STON2: variants seen among roughly 807,000 people sequenced by gnomAD.
The protein encoded by STON2 is stonin 2, also known as stonin-2.
A neutral mutation model predicts 65.7 loss-of-function variants in STON2; 29 were observed. That is an observed-to-expected ratio of 0.44 (90% CI 0.33 to 0.60). The LOEUF (loss-of-function observed/expected upper bound fraction) is 0.60, where lower values mean the gene tolerates loss of function less well. Ranked by LOEUF, STON2 falls within the 20% of genes least tolerant of loss-of-function variation. The pLI is 0.03. For synonymous variants in STON2, 404 were observed against 414.2 expected (o/e 0.98, Z 0.30); for missense variants, 1,054 against 1,118.1 (o/e 0.94, Z 0.82).
At position 81,370,851 on chromosome 14, in the gene STON2, C is replaced by T. The variant is rs1467771443; in HGVS notation, c.571+137G>A. 13 of 776,946 alleles carry T rather than the reference C, an allele frequency of 1.7e-5. No individual in the cohort carries two copies. In the East Asian group the frequency reaches 3.1e-4, roughly 18 times the overall value. The allele number at this position is 776,946 out of a possible 1,614,324, so 48.1% of individuals were successfully genotyped here. A position where few individuals can be genotyped will look rare whatever the true frequency, so the allele number is the denominator to read the frequency against. ...AATTTCCAGCCACTTTGGGTTCTAG[C>T]TTTTTGACTGGATAACAACACCTGA... On this transcript the variant is annotated intron_variant, in intron 4 of 7. Coordinates refer to ENST00000614646, the MANE Select transcript of STON2 (RefSeq NM_001394390.1).
chr14:81,319,298 A>G (rs1035090468), intron 5 of STON2, among the ~76,000 whole-genome samples: 3 of 152,214 alleles, frequency 2.0e-5, no homozygotes, highest in African/African-American at 4.8e-5. Flanking sequence ...TTACTACATT[A>G]TAAGTAATTT....
At chr14:81,415,667 G>A (rs1345419542) in intron 2 of STON2, among the ~76,000 whole-genome samples, 1 of 38,046 alleles carries the variant, frequency 2.6e-5, no homozygotes, top group Non-Finnish European at 3.9e-5. Context: ...AGACTCCATC[G>A]CAAAAAAAAA....
At chr14:81,301,179 G>C (rs1391713796) in intron 5 of STON2, among the ~76,000 whole-genome samples, 1 of 151,842 alleles carries the variant, frequency 6.6e-6, no homozygotes, top group East Asian at 1.9e-4. Context: ...ATAATTAATA[G>C]AGAAAAAATA....
At chr14:81,342,114 TAAC>T (rs1897634829) in intron 4 of STON2, among the ~76,000 whole-genome samples, 1 of 152,104 alleles carries the variant, frequency 6.6e-6, no homozygotes, top group Non-Finnish European at 1.5e-5. Context: ...ATTATGTTCA[TAAC>T]AACGCAGAAA....
Position 81,261,870 on chromosome 14 carries a change from A to G in STON2, c.*6544T>C. ...CACCACCCTCTTTGATCCTCTTTTT[A>G]AATCTGTGTGTGGAAGGCAACTGCA... On this transcript the variant is annotated 3_prime_UTR_variant, in exon 8 of 8. Coordinates refer to ENST00000614646, the MANE Select transcript of STON2 (RefSeq NM_001394390.1). 2.6e-6 allele frequency: 4 copies of G among 1,534,204 alleles called. No homozygotes were observed. Among genetic ancestry groups the G allele is most frequent in the Non-Finnish European group, 3.5e-6 (4 of 1,146,420 alleles).
chr14:81,359,439 T>C (rs189416250), intron 4 of STON2, among the ~76,000 whole-genome samples: 16 of 152,160 alleles, frequency 1.1e-4, no homozygotes, highest in African/African-American at 3.6e-4. Flanking sequence ...ATAAGGAATA[T>C]TGCAAGTAGT....
chr14:81,266,271 C>A lies in STON2; in HGVS notation c.*2143G>T. On this transcript the variant is annotated 3_prime_UTR_variant, in exon 8 of 8. Transcript: ENST00000614646. ...GAAATCTTACTAACTTGAGTCTATT[C>A]CTCTTTAGAACAACTCTTATTAGAC... 1 of 198,842 alleles carries A rather than the reference C, an allele frequency of 5.0e-6. No individual in the cohort carries two copies. The highest frequency in any genetic ancestry group is 9.0e-6 in the Non-Finnish European group (1 of 110,768). The allele number at this position is 198,842 out of a possible 1,614,324, so 12.3% of individuals were successfully genotyped here.
intron 5 of STON2, among the ~76,000 whole-genome samples, chr14:81,292,005 G>C (rs1895577322): frequency 6.6e-6 from 1 of 151,920 alleles, no homozygotes; most frequent in South Asian, 2.1e-4. Flanking sequence ...CAAATATGAA[G>C]GATCTGTTAT....
chr14:81,420,316 G>A (rs774485619), intron 2 of STON2, among the ~76,000 whole-genome samples: 9 of 152,226 alleles, frequency 5.9e-5, no homozygotes, highest in African/African-American at 1.9e-4. Flanking sequence ...TGTCACATGC[G>A]TAGAATATAA....
At chr14:81,403,843 T>C (rs1004607525), upstream of STON2, among the ~76,000 whole-genome samples, 3 of 152,198 alleles carry the variant, frequency 2.0e-5, no homozygotes, top group Non-Finnish European at 2.9e-5. Context: ...CAACTTCCAA[T>C]AAGTAAAGTA....
intron 5 of STON2, among the ~76,000 whole-genome samples, chr14:81,298,581 T>TTA (rs1421265119): frequency 6.6e-6 from 1 of 152,214 alleles, no homozygotes; most frequent in African/African-American, 2.4e-5. Context: ...CTGTTGGTGT[T>TTA]TATTTTCCTG....
At chr14:81,332,789 C>T (rs1013991402) in intron 4 of STON2, among the ~76,000 whole-genome samples, 1 of 152,118 alleles carries the variant, frequency 6.6e-6, no homozygotes, top group Non-Finnish European at 1.5e-5. Flanking sequence ...GACATCTATC[C>T]ATTAAGCATA....
intron 2 of STON2, among the ~76,000 whole-genome samples, chr14:81,418,628 T>C (rs1049085411): frequency 3.2e-4 from 49 of 152,244 alleles, no homozygotes; most frequent in Non-Finnish European, 7.3e-5. Context: ...GAAGTACTTT[T>C]CTGTTTACCT....
At chr14:81,326,463 G>GTATA in intron 4 of STON2, among the ~76,000 whole-genome samples, 1 of 151,638 alleles carries the variant, frequency 6.6e-6, no homozygotes, top group East Asian at 1.9e-4. Context: ...TTCTCTAAAA[G>GTATA]TATATACCTT....
At chr14:81,436,063 G>C (rs964459306) in intron 1 of STON2, 22 of 152,252 alleles carry the variant, frequency 1.4e-4, no homozygotes, top group African/African-American at 5.3e-4. Flanking sequence ...AGGTGTCGCA[G>C]GAGTCCTCCT....
At position 81,338,732 on chromosome 14, in the gene STON2, C is replaced by T. The variant is rs77735955; in HGVS notation, c.572-14545G>A. Among the ~76,000 whole-genome samples, 56 of 152,280 alleles carry T rather than the reference C, an allele frequency of 3.7e-4. 1 individual carries two copies. The South Asian group carries it at 9.7e-3, about 27-fold the overall frequency. ...GTCAGAATTGAGTTAAATTATAGAA[C>T]ATTTCATTGGTGTCTGCTGGATAAC... On this transcript the variant is annotated intron_variant, in intron 4 of 7. Transcript: ENST00000614646.
At position 81,267,274 on chromosome 14, in the gene STON2, T is replaced by A; in HGVS notation, c.*1140A>T. On this transcript the variant is annotated 3_prime_UTR_variant, in exon 8 of 8. Transcript: ENST00000614646. ...GACTCTTGGAATCAGAATATAATGT[T>A]CCCAACATTAGAAAAATATGGCTTT... 1.0e-6 allele frequency: 1 copy of A among 985,370 alleles called. No individual in the cohort carries two copies. Among genetic ancestry groups the A allele is most frequent in the South Asian group, 4.7e-5 (1 of 21,284 alleles). 61.0% of individuals were successfully genotyped at this position (985,370 alleles called of 1,614,324 possible). A position where few individuals can be genotyped will look rare whatever the true frequency, so the allele number is the denominator to read the frequency against.
intron 2 of STON2, among the ~76,000 whole-genome samples, chr14:81,425,675 G>A (rs73344115): frequency 0.08 from 12,133 of 152,034 alleles, 778 homozygotes; most frequent in East Asian, 0.18. Flanking sequence ...GTTATTATAC[G>A]TAATACTAAA....
chr14:81,412,957 TC>T, intron 2 of STON2: 2 of 946,712 alleles, frequency 2.1e-6, no homozygotes, highest in Non-Finnish European at 3.2e-6. Context: ...AGCCCCCTTC[TC>T]CATGGGTAAC....
Sources: gnomAD v4.1 joint callset for allele counts (sites outside exome capture counted in the v4.1 genomes callset) on GRCh38, gnomAD v4.1.1 for gene constraint, MANE v1.5 for transcripts, NCBI Gene and HGNC (gene_info 2026-07-23, HGNC 2026-07-21) for gene names.